PHAX: variants seen among roughly 807,000 people sequenced by gnomAD.
PHAX encodes phosphorylated adaptor for RNA export, also known as phosphorylated adapter RNA export protein.
A neutral mutation model predicts 41.6 loss-of-function variants in PHAX; 31 were observed. The ratio of observed to expected loss-of-function variants is 0.75; its 90% CI spans 0.56 to 1.01. The LOEUF (loss-of-function observed/expected upper bound fraction) is 1.01. PHAX is among the 50% of genes least tolerant of loss of function. The pLI is 0.00. For missense variants in PHAX, 453 were observed against 472.9 expected (o/e 0.96, Z 0.39); for synonymous variants, 175 against 164.9 (o/e 1.06, Z -0.47).
intron 1 of PHAX, among the ~76,000 whole-genome samples, chr5:126,602,873 C>G (rs189375632): frequency 1.1e-4 from 16 of 152,004 alleles, no homozygotes; most frequent in Non-Finnish European, 1.9e-4. Context: ...GGCGTGGTGG[C>G]GGGCGCCTGT....
At chr5:126,614,880 C>A (rs760204492) in intron 3 of PHAX, among the ~76,000 whole-genome samples, 1 of 151,966 alleles carries the variant, frequency 6.6e-6, no homozygotes, top group Non-Finnish European at 1.5e-5. Context: ...CCTCAGCCTC[C>A]GAAGTAGCTG....
intron 3 of PHAX, among the ~76,000 whole-genome samples, chr5:126,610,138 T>C (rs1047087211): frequency 2.0e-5 from 3 of 152,156 alleles, no homozygotes; most frequent in African/African-American, 7.2e-5. Flanking sequence ...AGAATGAAAG[T>C]TGGGGGAAGT....
chr5:126,615,853 A>T (rs945583770), intron 3 of PHAX, among the ~76,000 whole-genome samples: 2 of 152,130 alleles, frequency 1.3e-5, no homozygotes, highest in Non-Finnish European at 2.9e-5. Context: ...TGCTAATTCA[A>T]TGTTTGCAGC....
chr5:126,603,892 A>G lies in PHAX; in HGVS notation c.419A>G (p.Glu140Gly), dbSNP rs997098876. Reference sequence around the variant, plus strand: ...ACTGAACTTGGTATCTTGGGAATGGAGGGCACTATTGACAGAAGCAGACAA... The same window carrying G: ...ACTGAACTTGGTATCTTGGGAATGGGGGGCACTATTGACAGAAGCAGACAA... Reference protein sequence around the residue: ...VATELGILGMEGTIDRSRQSE... With the variant: ...VATELGILGMGGTIDRSRQSE... The change falls in exon 2 of 5, where the codon GAG becomes GGG. Residue 140 changes from glutamate to glycine, a missense_variant. Coordinates refer to ENST00000297540, the MANE Select transcript of PHAX (RefSeq NM_032177.4). 6.2e-7 allele frequency: 1 copy of G among 1,613,954 alleles called. No homozygotes were observed. The highest frequency in any genetic ancestry group is 1.3e-5 in the African/African-American group (1 of 74,890).
intron 3 of PHAX, among the ~76,000 whole-genome samples, chr5:126,608,986 C>T (rs1237797921): frequency 1.3e-5 from 2 of 150,472 alleles, no homozygotes; most frequent in East Asian, 3.9e-4. Flanking sequence ...GTTGTTTTTG[C>T]AGTTAGTACT....
intron 3 of PHAX, among the ~76,000 whole-genome samples, chr5:126,610,286 C>G (rs1752068340): frequency 6.6e-6 from 1 of 152,194 alleles, no homozygotes; most frequent in Non-Finnish European, 1.5e-5. Flanking sequence ...TTTGGCATAT[C>G]TCATTGAATT....
intron 4 of PHAX, among the ~76,000 whole-genome samples, chr5:126,620,812 A>G (rs953299797): frequency 9.3e-5 from 14 of 151,094 alleles, no homozygotes; most frequent in African/African-American, 3.4e-4. Context: ...ATCTCGGCTC[A>G]CTGCATCCTC....
chr5:126,621,269 G>T (rs1051380247), intron 4 of PHAX, among the ~76,000 whole-genome samples: 1 of 152,018 alleles, frequency 6.6e-6, no homozygotes. Flanking sequence ...GCTCACTGTA[G>T]CCTCAAACTC....
chr5:126,619,435 G>C (rs576130811), intron 4 of PHAX, among the ~76,000 whole-genome samples: 3 of 152,156 alleles, frequency 2.0e-5, no homozygotes, highest in African/African-American at 7.2e-5. Flanking sequence ...AATTAACCAG[G>C]CATGGTGGCG....
intron 3 of PHAX, among the ~76,000 whole-genome samples, chr5:126,612,418 G>A (rs895788332): frequency 2.0e-5 from 3 of 152,148 alleles, no homozygotes; most frequent in African/African-American, 7.2e-5. Flanking sequence ...GCATTTCCTA[G>A]GCCGGGCGTG....
At chr5:126,615,356 A>C (rs1000924006) in intron 3 of PHAX, among the ~76,000 whole-genome samples, 3 of 152,178 alleles carry the variant, frequency 2.0e-5, no homozygotes, top group Non-Finnish European at 4.4e-5. Flanking sequence ...AGTCATTCAC[A>C]GATGTGCAGT....
chr5:126,604,804 G>A (rs1304351764), intron 2 of PHAX, among the ~76,000 whole-genome samples: 1 of 152,100 alleles, frequency 6.6e-6, no homozygotes, highest in Non-Finnish European at 1.5e-5. Flanking sequence ...GGGAGGCTGA[G>A]GTGAGTGGAT....
chr5:126,603,380 G>T (rs78996758), intron 1 of PHAX, among the ~76,000 whole-genome samples, 190 bp from the exon 2 acceptor site: 8,565 of 152,292 alleles, frequency 0.056, 438 homozygotes, highest in African/African-American at 0.14. Context: ...GTAAAGATAA[G>T]AATTTGTGGC....
At chr5:126,624,364 G>A (rs1407270163) in intron 4 of PHAX, among the ~76,000 whole-genome samples, 1 of 151,986 alleles carries the variant, frequency 6.6e-6, no homozygotes, top group African/African-American at 2.4e-5. Context: ...AATAAGCATG[G>A]GCCCTAAACC....
chr5:126,617,380 C>G, intron 4 of PHAX, 47 bp downstream of exon 4: 1 of 1,089,834 alleles, frequency 9.2e-7, no homozygotes, highest in Non-Finnish European at 1.4e-6. Context: ...AATTTGACTT[C>G]TACTCACCCT....
At chr5:126,615,877 G>GT (rs369349125) in intron 3 of PHAX, among the ~76,000 whole-genome samples, 60 of 152,060 alleles carry the variant, frequency 3.9e-4, no homozygotes, top group African/African-American at 1.3e-3. Flanking sequence ...TTTATAAAAC[G>GT]TAACTACCAT....
intron 3 of PHAX, among the ~76,000 whole-genome samples, chr5:126,609,512 A>G (rs1752046368): frequency 6.6e-6 from 1 of 152,060 alleles, no homozygotes; most frequent in African/African-American, 2.4e-5. Context: ...TTTTCAACAT[A>G]CTAATTGAAA....
intron 2 of PHAX, among the ~76,000 whole-genome samples, chr5:126,606,903 C>CAG (rs1751998765): frequency 6.6e-6 from 1 of 152,090 alleles, no homozygotes; most frequent in African/African-American, 2.4e-5. Context: ...ATGATCCACC[C>CAG]CCTTCGACCT....
intron 1 of PHAX, 124 bp downstream of exon 1, chr5:126,601,182 A>G (rs2112826826): frequency 4.4e-6 from 3 of 676,026 alleles, no homozygotes; most frequent in South Asian, 3.5e-5. Flanking sequence ...CGAGGAGCCC[A>G]GGCTGTCGGG....
Sources: gnomAD v4.1 joint callset for allele counts (sites outside exome capture counted in the v4.1 genomes callset) on GRCh38, gnomAD v4.1.1 for gene constraint, MANE v1.5 for transcripts, NCBI Gene and HGNC (gene_info 2026-07-23, HGNC 2026-07-21) for gene names.